The following SCAI variants were observed in gnomAD, a reference collection of about 807,000 sequenced individuals.
SCAI encodes protein SCAI.
Under a neutral mutation model 92.2 loss-of-function variants are expected in SCAI, and 24 were observed. The ratio of observed to expected loss-of-function variants is 0.26; its 90% CI spans 0.19 to 0.37. The LOEUF (loss-of-function observed/expected upper bound fraction) is 0.37, where lower values mean the gene tolerates loss of function less well. Among genes scored for constraint, SCAI ranks in the 10% least tolerant of loss-of-function variants. SCAI has a pLI of 1.00. For synonymous variants in SCAI, 261 were observed against 258.6 expected (o/e 1.01, Z -0.09); for missense variants, 450 against 736.2 (o/e 0.61, Z 4.50).
chr9:125,085,351 G>A (rs1440579487), intron 2 of SCAI, among the ~76,000 whole-genome samples: 2 of 152,116 alleles, frequency 1.3e-5, no homozygotes, highest in East Asian at 1.9e-4. Flanking sequence ...GCCTTGCGTG[G>A]TGGCGTGCAC....
intron 13 of SCAI, among the ~76,000 whole-genome samples, chr9:124,998,775 C>CCA (rs1293104290): frequency 6.6e-6 from 1 of 152,020 alleles, no homozygotes; most frequent in East Asian, 1.9e-4. Flanking sequence ...GCGCAAGCCA[C>CCA]CACACCCGGT....
At chr9:125,084,470 G>A (rs1245981761) in intron 2 of SCAI, among the ~76,000 whole-genome samples, 4 of 151,892 alleles carry the variant, frequency 2.6e-5, no homozygotes, top group Non-Finnish European at 4.4e-5. Flanking sequence ...GCGCCCGGCC[G>A]GCTGCTGCTT....
intron 2 of SCAI, among the ~76,000 whole-genome samples, chr9:125,124,943 T>A (rs1835229523): frequency 6.6e-6 from 1 of 152,226 alleles, no homozygotes; most frequent in Non-Finnish European, 1.5e-5. Flanking sequence ...CCTCCCAATC[T>A]GTGTGGGAGG....
At chr9:124,995,107 A>G (rs1485759115) in intron 13 of SCAI, 92 bp from the exon 14 acceptor site, 3 of 847,294 alleles carry the variant, frequency 3.5e-6, no homozygotes, top group East Asian at 2.8e-5. Flanking sequence ...TCTCCTTTGC[A>G]TCATAGCACT....
intron 2 of SCAI, among the ~76,000 whole-genome samples, chr9:125,106,736 T>TC (rs2131222473): frequency 6.7e-6 from 1 of 149,198 alleles, no homozygotes; most frequent in East Asian, 2.0e-4. Context: ...TTTTTTTTTT[T>TC]TTTTTTTTGA....
At position 125,101,230 on chromosome 9, in the gene SCAI, C is replaced by T. The variant is rs118137832; in HGVS notation, c.98+41403G>A. On this transcript the variant is annotated intron_variant, in intron 2 of 17. Coordinates refer to ENST00000336505, the MANE Select transcript of SCAI (RefSeq NM_001144877.3). Reference sequence around the variant, plus strand: ...TGAAGCAAATGAGGAGCCAATGGAGCGTTTTGAACAAGGAGTGATGTGATT... The same window carrying T: ...TGAAGCAAATGAGGAGCCAATGGAGTGTTTTGAACAAGGAGTGATGTGATT... Among the ~76,000 whole-genome samples, 54 of 152,154 alleles carry T rather than the reference C, an allele frequency of 3.5e-4. No individual in the cohort carries two copies. In the East Asian group the frequency reaches 9.1e-3, roughly 26 times the overall value.
At position 125,088,378 on chromosome 9, in the gene SCAI, C is replaced by T. The variant is rs529655282; in HGVS notation, c.99-32371G>A. Among the ~76,000 whole-genome samples, 14 of 152,264 alleles carry T rather than the reference C, an allele frequency of 9.2e-5. No homozygotes were observed. The South Asian group carries it at 2.7e-3, about 29-fold the overall frequency. ...GGCAGATTTCCCCCTTGCTATTCTC[C>T]TGATAGTAAGTTCTCAGAAGATTTG... On this transcript the variant is annotated intron_variant, in intron 2 of 17. Transcript: ENST00000336505.
intron 2 of SCAI, among the ~76,000 whole-genome samples, chr9:125,096,234 G>C (rs1237909842): frequency 1.3e-5 from 2 of 152,210 alleles, no homozygotes; most frequent in Admixed American, 6.5e-5. Flanking sequence ...CAGGCAAAGA[G>C]AGAGCTTGTG....
At chr9:125,008,412 C>T (rs1832560418) in intron 9 of SCAI, among the ~76,000 whole-genome samples, 1 of 152,262 alleles carries the variant, frequency 6.6e-6, no homozygotes, top group South Asian at 2.1e-4. Flanking sequence ...AATGGGATTA[C>T]AGGCATGAGC....
At chr9:125,051,808 C>T (rs1833565834) in intron 3 of SCAI, among the ~76,000 whole-genome samples, 1 of 152,218 alleles carries the variant, frequency 6.6e-6, no homozygotes, top group Non-Finnish European at 1.5e-5. Context: ...GTGGCTCATG[C>T]CTGTAATCCC....
chr9:125,019,036 A>G (rs1832818675), intron 8 of SCAI, 71 bp downstream of exon 8: 1 of 1,532,120 alleles, frequency 6.5e-7, no homozygotes, highest in African/African-American at 1.4e-5. Context: ...TGACATATAC[A>G]CACAATAAAA....
At chr9:125,067,454 C>T (rs1347099044) in intron 2 of SCAI, among the ~76,000 whole-genome samples, 1 of 152,050 alleles carries the variant, frequency 6.6e-6, no homozygotes, top group African/African-American at 2.4e-5. Flanking sequence ...GGAAGGAAGG[C>T]AGCCACGTGA....
At chr9:125,131,420 A>T (rs532159134) in intron 2 of SCAI, among the ~76,000 whole-genome samples, 1 of 151,610 alleles carries the variant, frequency 6.6e-6, no homozygotes, top group East Asian at 1.9e-4. Flanking sequence ...AAAAAAAAAA[A>T]AAAGAAAAAT....
intron 17 of SCAI, among the ~76,000 whole-genome samples, chr9:124,963,615 T>C (rs12056953): frequency 6.6e-6 from 1 of 151,400 alleles, no homozygotes; most frequent in Non-Finnish European, 1.5e-5. Flanking sequence ...GCGGGCATGG[T>C]GGAACATGCC....
In SCAI at chr9:125,084,158, C is replaced by CTTTTTTTTTTTTTTTTT. The variant is rs34786493; in HGVS notation, c.99-28168_99-28152dup. Among the ~76,000 whole-genome samples, 4 of 65,116 alleles carry CTTTTTTTTTTTTTTTTT rather than the reference C, an allele frequency of 6.1e-5. 1 individual carries two copies. The highest frequency in any genetic ancestry group is 2.0e-4 in the African/African-American group (3 of 15,242). The allele number at this position is 65,116 out of a possible 152,430, so 42.7% of individuals were successfully genotyped here. A position where few individuals can be genotyped will look rare whatever the true frequency, so the allele number is the denominator to read the frequency against. ...ATATGAACAGGACTCTTGGCTGCTGCTTTTTTTTTTTTTTTTTTTTTTTTT... is the reference window on the plus strand; with the variant it reads ...ATATGAACAGGACTCTTGGCTGCTGCTTTTTTTTTTTTTTTTTTTTTTTTTTTTTTTTTTTTTTTTTT... On this transcript the variant is annotated intron_variant, in intron 2 of 17. Coordinates refer to ENST00000336505, the MANE Select transcript of SCAI (RefSeq NM_001144877.3).
intron 17 of SCAI, among the ~76,000 whole-genome samples, chr9:124,968,039 A>G (rs1195417285): frequency 2.0e-5 from 3 of 152,140 alleles, no homozygotes; most frequent in Non-Finnish European, 2.9e-5. Context: ...AGGTATAGGG[A>G]TAAGACATTA....
chr9:125,055,610 C>G (rs1458914342), intron 3 of SCAI, among the ~76,000 whole-genome samples: 1 of 152,178 alleles, frequency 6.6e-6, no homozygotes, highest in African/African-American at 2.4e-5. Flanking sequence ...AGATTAAAAT[C>G]AGATCTGGTG....
chr9:125,062,291 T>A (rs1027366416), intron 2 of SCAI, among the ~76,000 whole-genome samples: 1 of 151,712 alleles, frequency 6.6e-6, no homozygotes, highest in African/African-American at 2.4e-5. Context: ...GCTCGGCTAA[T>A]TTTTTGTATT....
intron 9 of SCAI, among the ~76,000 whole-genome samples, chr9:125,007,160 A>G (rs1354727669): frequency 6.6e-6 from 1 of 152,118 alleles, no homozygotes. Flanking sequence ...ATTTGATTAT[A>G]AATTAATATG....
Sources: gnomAD v4.1 joint callset for allele counts (sites outside exome capture counted in the v4.1 genomes callset) on GRCh38, gnomAD v4.1.1 for gene constraint, MANE v1.5 for transcripts, NCBI Gene and HGNC (gene_info 2026-07-23, HGNC 2026-07-21) for gene names.